Variants in RGS7 observed in about 807,000 individuals in gnomAD.
RGS7 encodes the protein regulator of G-protein signaling 7.
RGS7 carries 27 observed loss-of-function variants against 81.1 expected under a neutral mutation model. The observed-to-expected ratio is 0.33, with a 90% CI of 0.25 to 0.46. The LOEUF is 0.46. Among genes scored for constraint, RGS7 ranks in the 20% least tolerant of loss-of-function variants. The pLI, the probability that RGS7 is intolerant of heterozygous loss-of-function variation, is 1.00. For missense variants in RGS7, 396 were observed against 607.4 expected (o/e 0.65, Z 3.66); for synonymous variants, 208 against 207.7 (o/e 1.00, Z -0.01).
chr1:241,203,888 C>T (rs973653067), intron 2 of RGS7, among the ~76,000 whole-genome samples: 1 of 152,012 alleles, frequency 6.6e-6, no homozygotes, highest in East Asian at 1.9e-4. Context: ...TTATTGGCAA[C>T]CAAAGGGTAT....
intron 18 of RGS7, among the ~76,000 whole-genome samples, chr1:240,781,822 C>G (rs1243197323): frequency 6.6e-6 from 1 of 152,142 alleles, no homozygotes; most frequent in Non-Finnish European, 1.5e-5. Flanking sequence ...CAAGACCAGC[C>G]TGGTTAACAT....
chr1:241,132,850 C>A (rs2067215253), intron 2 of RGS7, among the ~76,000 whole-genome samples: 2 of 152,170 alleles, frequency 1.3e-5, no homozygotes, highest in Admixed American at 1.3e-4. Flanking sequence ...GCAAGCTCTG[C>A]CTCCTGGGTT....
At chr1:241,246,675 C>T (rs1025274060) in intron 2 of RGS7, among the ~76,000 whole-genome samples, 4 of 151,724 alleles carry the variant, frequency 2.6e-5, no homozygotes, top group Admixed American at 2.6e-4. Flanking sequence ...AGGCATTAGG[C>T]CAGAAGCTAA....
chr1:240,960,217 C>CTTCTTTTTTTTTTTTTTTTTTTTTTTT lies in RGS7; in HGVS notation c.226+22861_226+22862insAAAAAAAAAAAAAAAAAAAAAAAAGAA, dbSNP rs60911948. On this transcript the variant is annotated intron_variant, in intron 4 of 18. Coordinates refer to ENST00000440928, the MANE Select transcript of RGS7 (RefSeq NM_001364886.1). ...TTTTCTTCTTCTTCCTCTTCTTCTT[C>CTTCTTTTTTTTTTTTTTTTTTTTTTTT]TTTTTTTTTTTTTTTTTGTTGTTGT... 1.7e-3 allele frequency among the ~76,000 whole-genome samples: 15 copies of CTTCTTTTTTTTTTTTTTTTTTTTTTTT among 8,956 alleles called. 1 individual carries two copies. The highest frequency in any genetic ancestry group is 2.3e-3 in the African/African-American group (6 of 2,664). 5.9% of individuals were successfully genotyped at this position (8,956 alleles called of 152,430 possible). A position where few individuals can be genotyped will look rare whatever the true frequency, so the allele number is the denominator to read the frequency against.
intron 2 of RGS7, among the ~76,000 whole-genome samples, chr1:241,172,221 T>A (rs1176548239): frequency 6.8e-6 from 1 of 146,084 alleles, no homozygotes; most frequent in African/African-American, 2.7e-5. Flanking sequence ...TGCCAAGTTA[T>A]TCTTTTTTTA....
rs1447439056 is a variant in RGS7, at chr1:241,347,807, AG to A, written c.78+7891del. ...AAAAGAGAAAAAAAGTCATAAACCA[AG>A]TAAATAATCAGTGTCATTTACCATT... On this transcript the variant is annotated intron_variant, in intron 2 of 18. Transcript: ENST00000440928. Among the ~76,000 whole-genome samples, 4 of 152,328 alleles carry A rather than the reference AG, an allele frequency of 2.6e-5. No individual in the cohort carries two copies. In the East Asian group the frequency reaches 7.7e-4, roughly 29 times the overall value.
At chr1:240,852,273 A>C (rs1044110879) in intron 9 of RGS7, among the ~76,000 whole-genome samples, 1 of 152,248 alleles carries the variant, frequency 6.6e-6, no homozygotes, top group Non-Finnish European at 1.5e-5. Context: ...ACTTTTGCTA[A>C]AGGCTCAGAT....
chr1:241,256,199 T>C (rs1262843826), intron 2 of RGS7, among the ~76,000 whole-genome samples: 1 of 152,148 alleles, frequency 6.6e-6, no homozygotes, highest in Non-Finnish European at 1.5e-5. Context: ...ATATAGAAAA[T>C]TAGGGTGTCA....
chr1:241,048,494 G>T (rs1418783043), intron 3 of RGS7, among the ~76,000 whole-genome samples: 2 of 152,082 alleles, frequency 1.3e-5, no homozygotes, highest in Non-Finnish European at 1.5e-5. Context: ...TCACCCACAG[G>T]CCATGGTGTC....
chr1:241,327,038 GGGAGGGAGGGGAA>G (rs2081565353), intron 2 of RGS7, among the ~76,000 whole-genome samples: 1 of 37,672 alleles, frequency 2.7e-5, no homozygotes, highest in African/African-American at 9.6e-5. Flanking sequence ...AAGGAAGGAA[GGGAGGGAGGGGAA>G]AGGAAGGAAG....
chr1:240,784,658 ATT>A (rs11451897), intron 18 of RGS7, among the ~76,000 whole-genome samples: 21 of 141,234 alleles, frequency 1.5e-4, no homozygotes, highest in African/African-American at 5.5e-4. Flanking sequence ...AAAAAAAAAG[ATT>A]TTTTTTTTTT....
chr1:241,010,961 T>C (rs2058927962), intron 3 of RGS7, among the ~76,000 whole-genome samples: 1 of 152,172 alleles, frequency 6.6e-6, no homozygotes, highest in South Asian at 2.1e-4. Context: ...TGAGATGGTT[T>C]TCATAAATCA....
At chr1:240,924,290 T>C (rs770037365) in intron 6 of RGS7, among the ~76,000 whole-genome samples, 1 of 152,216 alleles carries the variant, frequency 6.6e-6, no homozygotes, top group African/African-American at 2.4e-5. Context: ...ATTATTACTT[T>C]AGTATGGTTT....
In RGS7 at chr1:241,042,021, A is replaced by G. The variant is rs143335885; in HGVS notation, c.175+56645T>C. ...ACATCCTTGACCAACCATAGTGACT[A>G]AGATACTGCAGTGGAACACCTGCTG... On this transcript the variant is annotated intron_variant, in intron 3 of 18. Coordinates refer to ENST00000440928, the MANE Select transcript of RGS7 (RefSeq NM_001364886.1). Among the ~76,000 whole-genome samples, 406 of 152,316 alleles carry G rather than the reference A, an allele frequency of 2.7e-3. 4 individuals are homozygous for G. The highest frequency in any genetic ancestry group is 6.2e-3 in the South Asian group (30 of 4,826).
intron 3 of RGS7, among the ~76,000 whole-genome samples, chr1:241,042,528 A>G (rs1178542446): frequency 2.0e-5 from 3 of 152,220 alleles, no homozygotes; most frequent in Non-Finnish European, 4.4e-5. Context: ...TTCTTAATAT[A>G]TTAAGTACAG....
intron 14 of RGS7, among the ~76,000 whole-genome samples, chr1:240,807,606 T>C (rs1411595885): frequency 6.6e-6 from 1 of 152,240 alleles, no homozygotes; most frequent in Non-Finnish European, 1.5e-5. Flanking sequence ...TGTTTTTTTA[T>C]AGATATATGT....
intron 2 of RGS7, among the ~76,000 whole-genome samples, chr1:241,108,079 G>C (rs973548702): frequency 3.0e-5 from 4 of 133,082 alleles, no homozygotes; most frequent in Non-Finnish European, 6.1e-5. Context: ...TGGATCACAA[G>C]GTCAGGAGTT....
At chr1:241,015,321 A>G (rs2059165003) in intron 3 of RGS7, among the ~76,000 whole-genome samples, 1 of 152,236 alleles carries the variant, frequency 6.6e-6, no homozygotes, top group East Asian at 1.9e-4. Context: ...CTTAGAACAA[A>G]AAATATAATG....
At chr1:240,800,795 A>G (rs1572147741) in intron 17 of RGS7, 74 bp from the exon 18 acceptor site, 1 of 765,642 alleles carries the variant, frequency 1.3e-6, no homozygotes, top group East Asian at 2.9e-5. Flanking sequence ...GCACTGGCAC[A>G]ATACAAAAAA....
Sources: gnomAD v4.1 joint callset for allele counts (sites outside exome capture counted in the v4.1 genomes callset) on GRCh38, gnomAD v4.1.1 for gene constraint, MANE v1.5 for transcripts, NCBI Gene and HGNC (gene_info 2026-07-23, HGNC 2026-07-21) for gene names.